GRIP1: variants seen among roughly 807,000 people sequenced by gnomAD.
GRIP1 encodes the protein glutamate receptor interacting protein 1, also known as glutamate receptor-interacting protein 1.
A neutral mutation model predicts 129.9 loss-of-function variants in GRIP1; 45 were observed. That is an observed-to-expected ratio of 0.35 (90% CI 0.27 to 0.44). GRIP1 has a LOEUF of 0.44. GRIP1 is among the 20% of genes least tolerant of loss of function. GRIP1 has a pLI of 1.00. For synonymous variants in GRIP1, 530 were observed against 520.8 expected (o/e 1.02, Z -0.24); for missense variants, 1,196 against 1,396.8 (o/e 0.86, Z 2.29).
At chr12:66,640,346 C>T (rs565374202) in intron 1 of GRIP1, among the ~76,000 whole-genome samples, 1 of 152,266 alleles carries the variant, frequency 6.6e-6, no homozygotes, top group African/African-American at 2.4e-5. Flanking sequence ...TGCAATTTGT[C>T]AGTTCAACAT....
intron 1 of GRIP1, among the ~76,000 whole-genome samples, chr12:66,978,271 A>T (rs2042186161): frequency 6.6e-6 from 1 of 152,200 alleles, no homozygotes; most frequent in African/African-American, 2.4e-5. Context: ...CATAGAAGCA[A>T]GGAATTTTTT....
intron 1 of GRIP1, among the ~76,000 whole-genome samples, chr12:66,709,045 G>GA (rs568448938): frequency 1.3e-5 from 2 of 150,754 alleles, no homozygotes; most frequent in Non-Finnish European, 3.0e-5. Context: ...TCATGAATTA[G>GA]AAAAAAAATG....
intron 1 of GRIP1, among the ~76,000 whole-genome samples, chr12:67,045,201 CTT>C (rs1415348368): frequency 6.6e-6 from 1 of 152,012 alleles, no homozygotes; most frequent in Non-Finnish European, 1.5e-5. Flanking sequence ...GAGTGGGTAA[CTT>C]TATTCTCTGA....
At chr12:66,948,246 G>T (rs2041702113) in intron 1 of GRIP1, among the ~76,000 whole-genome samples, 1 of 152,158 alleles carries the variant, frequency 6.6e-6, no homozygotes, top group Non-Finnish European at 1.5e-5. Context: ...GAGGAGCATG[G>T]ACTTTTAGAG....
intron 1 of GRIP1, among the ~76,000 whole-genome samples, chr12:66,839,177 C>T (rs2039670796): frequency 6.6e-6 from 1 of 151,962 alleles, no homozygotes; most frequent in African/African-American, 2.4e-5. Context: ...AATGAAAAAA[C>T]CCTGCATTTA....
intron 1 of GRIP1, among the ~76,000 whole-genome samples, chr12:66,979,253 A>AAAAACC: frequency 7.4e-6 from 1 of 134,726 alleles, no homozygotes; most frequent in African/African-American, 2.7e-5. Context: ...AAAAAAAAAA[A>AAAAACC]ACAAGCCCGT....
chr12:67,061,119 G>A (rs2043526513), intron 1 of GRIP1, among the ~76,000 whole-genome samples: 1 of 152,164 alleles, frequency 6.6e-6, no homozygotes, highest in South Asian at 2.1e-4. Flanking sequence ...ACAAATGGGA[G>A]TCCAAAGGGG....
At chr12:66,878,520 C>T (rs2040420271) in intron 1 of GRIP1, among the ~76,000 whole-genome samples, 2 of 151,916 alleles carry the variant, frequency 1.3e-5, no homozygotes, top group East Asian at 1.9e-4. Context: ...AGAAGGGAGA[C>T]TGCAGAGGCA....
chr12:66,468,293 A>C (rs2059342760), intron 7 of GRIP1, among the ~76,000 whole-genome samples: 1 of 152,244 alleles, frequency 6.6e-6, no homozygotes, highest in Non-Finnish European at 1.5e-5. Context: ...CATGCAGACC[A>C]GGGCATCAAG....
intron 1 of GRIP1, among the ~76,000 whole-genome samples, chr12:66,880,729 A>C (rs545666239): frequency 5.9e-5 from 9 of 152,180 alleles, no homozygotes; most frequent in Non-Finnish European, 1.2e-4. Context: ...GATATGTATA[A>C]GCATTCATAT....
intron 1 of GRIP1, among the ~76,000 whole-genome samples, chr12:66,759,731 G>A (rs1463743486): frequency 6.6e-6 from 1 of 150,496 alleles, no homozygotes; most frequent in East Asian, 2.0e-4. Context: ...TAGAGCAGGG[G>A]CAAAATGCCG....
At chr12:66,425,875 T>C (rs2057968101) in intron 14 of GRIP1, among the ~76,000 whole-genome samples, 1 of 152,136 alleles carries the variant, frequency 6.6e-6, no homozygotes, top group Non-Finnish European at 1.5e-5. Flanking sequence ...TAATGCTAAA[T>C]GACGAGTGAA....
At chr12:66,599,135 C>A (rs989328963) in intron 1 of GRIP1, among the ~76,000 whole-genome samples, 1 of 152,180 alleles carries the variant, frequency 6.6e-6, no homozygotes, top group Non-Finnish European at 1.5e-5. Flanking sequence ...GCCAGCCTCT[C>A]CATCACCACC....
Position 67,013,339 on chromosome 12 carries a change from T to C in GRIP1, c.58+55711A>G, listed in dbSNP as rs554372569. ...AAATAGGTTATCTATCTTTTCTGTT[T>C]TTTAAACAATGAACATATATTACTT... On this transcript the variant is annotated intron_variant, in intron 1 of 1. Coordinates refer to the GRIP1 transcript ENST00000643019. Among the ~76,000 whole-genome samples, 9 of 152,312 alleles carry C rather than the reference T, an allele frequency of 5.9e-5. No individual in the cohort carries two copies. In the South Asian group the frequency reaches 1.9e-3, roughly 32 times the overall value.
At chr12:66,744,824 C>A (rs1035711875) in intron 1 of GRIP1, among the ~76,000 whole-genome samples, 1 of 152,108 alleles carries the variant, frequency 6.6e-6, no homozygotes, top group Non-Finnish European at 1.5e-5. Flanking sequence ...GTTTTATACA[C>A]AGAAATCTTA....
At chr12:66,468,072 T>G (rs1475059824) in intron 7 of GRIP1, among the ~76,000 whole-genome samples, 1 of 152,244 alleles carries the variant, frequency 6.6e-6, no homozygotes, top group Non-Finnish European at 1.5e-5. Flanking sequence ...TTTCTAAGTT[T>G]TAGCTGAGCA....
rs148215131 is a variant in GRIP1, at chr12:67,028,756, T to C, written c.58+40294A>G. Among the ~76,000 whole-genome samples the C allele has an allele frequency of 1.9e-3, 293 of 152,340 alleles. 1 individual carries two copies. The highest frequency in any genetic ancestry group is 6.3e-3 in the African/African-American group (264 of 41,584). On this transcript the variant is annotated intron_variant, in intron 1 of 1. Transcript: ENST00000643019. ...TACTCAGGGGAATCCCTGTGGTAACTGTATACTACAGTCCTAGGAAATGTA... is the reference window on the plus strand; with the variant it reads ...TACTCAGGGGAATCCCTGTGGTAACCGTATACTACAGTCCTAGGAAATGTA...
At chr12:66,777,329 T>C (rs554874620) in intron 1 of GRIP1, among the ~76,000 whole-genome samples, 27 of 152,010 alleles carry the variant, frequency 1.8e-4, no homozygotes, top group Non-Finnish European at 3.4e-4. Flanking sequence ...CCTCCTCCTC[T>C]TGGAACACCC....
At chr12:66,621,707 C>T (rs1447488461) in intron 1 of GRIP1, among the ~76,000 whole-genome samples, 1 of 152,064 alleles carries the variant, frequency 6.6e-6, no homozygotes, top group African/African-American at 2.4e-5. Flanking sequence ...ATTTTATATT[C>T]CCTCTAGTAA....
Sources: allele counts gnomAD v4.1 joint callset (sites outside exome capture counted in the v4.1 genomes callset), GRCh38; gene constraint gnomAD v4.1.1; transcripts MANE v1.5; gene names NCBI Gene and HGNC (gene_info 2026-07-23, HGNC 2026-07-21).